The following KCNJ12 variants were observed in gnomAD, a reference collection of about 807,000 sequenced individuals.
KCNJ12 encodes potassium inwardly rectifying channel subfamily J member 12.
A neutral mutation model predicts 22.3 loss-of-function variants in KCNJ12; 2 were observed. The observed-to-expected ratio is 0.09, with a 90% confidence interval of 0.04 to 0.28. The LOEUF is 0.28. KCNJ12 is among the 10% of genes least tolerant of loss of function. The probability of loss-of-function intolerance (pLI) is 1.00; values close to 1 mark genes in which losing one functional copy is unlikely to be tolerated. For synonymous variants in KCNJ12, 117 were observed against 261.4 expected (o/e 0.45, Z 5.33); for missense variants, 155 against 633.3 (o/e 0.24, Z 8.11).
chr17:21,411,562 G>T (rs1412723769), intron 2 of KCNJ12, among the ~76,000 whole-genome samples: 1 of 152,294 alleles, frequency 6.6e-6, no homozygotes, highest in African/African-American at 2.4e-5. Context: ...TGCGGAAAAC[G>T]GTCCTACCTT....
chr17:21,400,767 C>T (rs1905566882), intron 1 of KCNJ12, among the ~76,000 whole-genome samples: 1 of 152,312 alleles, frequency 6.6e-6, no homozygotes, highest in Non-Finnish European at 1.5e-5. Context: ...CAAGAGAGAA[C>T]CCATATAGGG....
chr17:21,419,741 A>T lies in KCNJ12; in HGVS notation c.*3097A>T, dbSNP rs1186612406. On this transcript the variant is annotated 3_prime_UTR_variant, in exon 3 of 3. Coordinates refer to ENST00000583088, the MANE Select transcript of KCNJ12 (RefSeq NM_021012.5). ...CTGTACGGGGTGTCTGCCCTGCGTGAGGGCATAGAATGTCAAATTATTTTA... is the reference window on the plus strand; with the variant it reads ...CTGTACGGGGTGTCTGCCCTGCGTGTGGGCATAGAATGTCAAATTATTTTA... The T allele has an allele frequency of 6.0e-6, 1 of 167,316 alleles. No homozygotes were observed. Among genetic ancestry groups the T allele is most frequent in the Non-Finnish European group, 1.5e-5 (1 of 68,250 alleles). 10.4% of individuals were successfully genotyped at this position (167,316 alleles called of 1,614,324 possible).
At chr17:21,387,245 A>T (rs1046984641) in intron 1 of KCNJ12, among the ~76,000 whole-genome samples, 1 of 151,716 alleles carries the variant, frequency 6.6e-6, no homozygotes, top group African/African-American at 2.4e-5. Context: ...GATCGAGACC[A>T]TCCTGGCTAA....
chr17:21,405,195 C>G (rs1306918310), intron 1 of KCNJ12: 2 of 152,956 alleles, frequency 1.3e-5, no homozygotes, highest in African/African-American at 4.8e-5. Flanking sequence ...AAGCCTGTTT[C>G]TGCTTTCAGT....
intron 1 of KCNJ12, among the ~76,000 whole-genome samples, chr17:21,390,866 G>A (rs1220471891): frequency 6.6e-6 from 1 of 152,186 alleles, no homozygotes; most frequent in Non-Finnish European, 1.5e-5. Context: ...CAATTCAGTG[G>A]TATTTAGTGC....
chr17:21,387,501 C>T (rs1905107572), intron 1 of KCNJ12, among the ~76,000 whole-genome samples: 1 of 143,950 alleles, frequency 6.9e-6, no homozygotes, highest in African/African-American at 2.6e-5. Context: ...ACTTTGGAGA[C>T]ATCGAGCGCT....
intron 1 of KCNJ12, among the ~76,000 whole-genome samples, chr17:21,402,883 T>A (rs4302102): frequency 0.08 from 11,063 of 137,508 alleles, no homozygotes; most frequent in Middle Eastern, 0.1. Context: ...ACAGAGGGAC[T>A]GAGGCAGGAC....
At position 21,419,867 on chromosome 17, in the gene KCNJ12, T is replaced by C. The variant is rs577617883; in HGVS notation, c.*3223T>C. Reference sequence around the variant, plus strand: ...CCACATTAAATGCATTTTGATCTCTTTGAGGTCCCCTGTGTTGAGATGTGT... The same window carrying C: ...CCACATTAAATGCATTTTGATCTCTCTGAGGTCCCCTGTGTTGAGATGTGT... On this transcript the variant is annotated 3_prime_UTR_variant, in exon 3 of 3. Coordinates refer to ENST00000583088, the MANE Select transcript of KCNJ12 (RefSeq NM_021012.5). 2 of 167,578 alleles carry C rather than the reference T, an allele frequency of 1.2e-5. No individual in the cohort carries two copies. The highest frequency in any genetic ancestry group is 6.5e-5 in the Admixed American group (1 of 15,318). 10.4% of individuals were successfully genotyped at this position (167,578 alleles called of 1,614,324 possible).
At chr17:21,390,389 G>C (rs1330461631) in intron 1 of KCNJ12, among the ~76,000 whole-genome samples, 1 of 152,216 alleles carries the variant, frequency 6.6e-6, no homozygotes, top group Admixed American at 6.5e-5. Flanking sequence ...CCTGCCCCAC[G>C]GAGCTTCTGT....
chr17:21,413,724 T>A (rs1412954409), intron 2 of KCNJ12, among the ~76,000 whole-genome samples: 4 of 152,308 alleles, frequency 2.6e-5, no homozygotes, highest in African/African-American at 4.8e-5. Flanking sequence ...ACAGCCTGTG[T>A]GTCCCGGGGG....
intron 2 of KCNJ12, among the ~76,000 whole-genome samples, chr17:21,413,954 G>T (rs1906527889): frequency 6.6e-6 from 1 of 152,268 alleles, no homozygotes; most frequent in Non-Finnish European, 1.5e-5. Flanking sequence ...CGGGAAGCAG[G>T]GGCTGGGGAG....
rs537492715 is a variant in KCNJ12, at chr17:21,417,202, T to C, written c.*558T>C. The C allele has an allele frequency of 5.9e-6, 1 of 168,268 alleles. No homozygotes were observed. The highest frequency in any genetic ancestry group is 1.9e-4 in the East Asian group (1 of 5,200). 10.4% of individuals were successfully genotyped at this position (168,268 alleles called of 1,614,324 possible). On this transcript the variant is annotated 3_prime_UTR_variant, in exon 3 of 3. Coordinates refer to ENST00000583088, the MANE Select transcript of KCNJ12 (RefSeq NM_021012.5). Reference sequence around the variant, plus strand: ...CAGCTGGCTGAAGGCTCCAGAGGGTTCCCCGAGGTGGGACTGGCCTCTCCC... The same window carrying C: ...CAGCTGGCTGAAGGCTCCAGAGGGTCCCCCGAGGTGGGACTGGCCTCTCCC...
Position 21,417,309 on chromosome 17 carries a change from CTGTT to C in KCNJ12, c.*669_*672del, listed in dbSNP as rs1906905558. On this transcript the variant is annotated 3_prime_UTR_variant, in exon 3 of 3. Transcript: ENST00000583088. ...ATCGAGCTCACGAGCCAGCTAGGCTCTGTTTGTGATAGAAAAATCAAGACCATGT... is the reference window on the plus strand; with the variant it reads ...ATCGAGCTCACGAGCCAGCTAGGCTCTGTGATAGAAAAATCAAGACCATGT... 6.0e-6 allele frequency: 1 copy of C among 166,982 alleles called. No individual in the cohort carries two copies. The highest frequency in any genetic ancestry group is 1.9e-4 in the East Asian group (1 of 5,174). The allele number at this position is 166,982 out of a possible 1,614,324, so 10.3% of individuals were successfully genotyped here. A position where few individuals can be genotyped will look rare whatever the true frequency, so the allele number is the denominator to read the frequency against.
At chr17:21,399,293 G>A (rs189350451) in intron 1 of KCNJ12, among the ~76,000 whole-genome samples, 361 of 152,276 alleles carry the variant, frequency 2.4e-3, no homozygotes, top group African/African-American at 6.7e-3. Context: ...TTATTTCTTC[G>A]TCTTGGGGCA....
At chr17:21,406,102 C>T (rs1389683925) in intron 1 of KCNJ12, among the ~76,000 whole-genome samples, 4 of 152,306 alleles carry the variant, frequency 2.6e-5, no homozygotes, top group Non-Finnish European at 4.4e-5. Context: ...GCTTGGCTTC[C>T]CATGGCCCTG....
chr17:21,388,005 C>T (rs1201548639), intron 1 of KCNJ12, among the ~76,000 whole-genome samples: 2 of 152,148 alleles, frequency 1.3e-5, no homozygotes, highest in African/African-American at 4.8e-5. Context: ...CTGCTGAGGC[C>T]ACCAGTTCTG....
intron 1 of KCNJ12, among the ~76,000 whole-genome samples, chr17:21,402,833 G>T (rs1256960429): frequency 2.0e-5 from 3 of 152,294 alleles, no homozygotes; most frequent in African/African-American, 4.8e-5. Flanking sequence ...TGGGAGCAAG[G>T]CAGGCCTGGA....
intron 1 of KCNJ12, among the ~76,000 whole-genome samples, chr17:21,398,866 ACT>A (rs1905473529): frequency 6.6e-6 from 1 of 152,246 alleles, no homozygotes; most frequent in African/African-American, 2.4e-5. Flanking sequence ...AGCACATAGC[ACT>A]GTATGCTGGA....
At chr17:21,378,261 C>G (rs1481110840) in intron 1 of KCNJ12, among the ~76,000 whole-genome samples, 5 of 152,240 alleles carry the variant, frequency 3.3e-5, no homozygotes, top group African/African-American at 9.6e-5. Flanking sequence ...CTGTGGCGGG[C>G]GAGGGTCAGA....
Sources: allele counts gnomAD v4.1 joint callset (sites outside exome capture counted in the v4.1 genomes callset), GRCh38; gene constraint gnomAD v4.1.1; transcripts MANE v1.5; gene names NCBI Gene and HGNC (gene_info 2026-07-23, HGNC 2026-07-21).